Variants in ABCG1 observed in about 807,000 individuals in gnomAD.
The protein encoded by ABCG1 is ATP binding cassette subfamily G member 1.
In ABCG1, 29 loss-of-function variants were observed where a neutral mutation model predicts 69.2. The ratio of observed to expected loss-of-function variants is 0.42; its 90% CI spans 0.31 to 0.57. The LOEUF (loss-of-function observed/expected upper bound fraction) is 0.57. ABCG1 is among the 20% of genes least tolerant of loss of function. The pLI is 0.15. For missense variants in ABCG1, 718 were observed against 898.1 expected (o/e 0.80, Z 2.56); for synonymous variants, 370 against 374.8 (o/e 0.99, Z 0.15).
rs2068705116 is a variant in ABCG1 at position 42,276,086 on chromosome 21, C to T, written c.538-809C>T. The stretch of plus-strand genomic sequence containing the variant: ...GCTAATGAGGTGGACAGAGCTTAAC[C>T]TCACCATTGTGCCAGTGAGGAAATG... On this transcript the variant is annotated intron_variant, in intron 4 of 14. Coordinates refer to ENST00000398449, the MANE Select transcript of ABCG1 (RefSeq NM_016818.3). The surrounding 1 kb of genome is among the most constrained non-coding windows in gnomAD (Gnocchi z 5.3). Among the ~76,000 whole-genome samples the T allele has an allele frequency of 6.6e-6, 1 of 151,506 alleles. No individual in the cohort carries two copies. The highest frequency in any genetic ancestry group is 2.1e-4 in the South Asian group (1 of 4,820).
intron 2 of ABCG1, among the ~76,000 whole-genome samples, chr21:42,230,802 C>T (rs1173389767): frequency 2.6e-5 from 4 of 152,226 alleles, no homozygotes; most frequent in African/African-American, 9.6e-5. Context: ...GTTCTTCAAT[C>T]CATTTGGCTC....
intron 1 of ABCG1, among the ~76,000 whole-genome samples, chr21:42,201,140 T>C (rs2067503335): frequency 6.6e-6 from 1 of 151,994 alleles, no homozygotes; most frequent in Non-Finnish European, 1.5e-5. Context: ...ACTGATAGGG[T>C]TTTGATACGT....
rs780150043 is a variant in ABCG1 at position 42,219,218 on chromosome 21, C to A, written c.-45C>A. 3.4e-6 allele frequency: 5 copies of A among 1,481,548 alleles called. No individual in the cohort carries two copies. The highest frequency in any genetic ancestry group is 1.5e-5 in the African/African-American group (1 of 67,468). 91.8% of individuals were successfully genotyped at this position (1,481,548 alleles called of 1,614,324 possible). ...AGCCTCGGCCCCGCAGCTCAAGCCT[C>A]GTCCCCGCCGCCGCCGCCGCCGCCG... On this transcript the variant is annotated 5_prime_UTR_variant, in exon 1 of 15. Coordinates refer to ENST00000398449, the MANE Select transcript of ABCG1 (RefSeq NM_016818.3). This position sits in a 1 kb window ranked among gnomAD's most constrained non-coding sequence, Gnocchi z 5.3.
At chr21:42,202,593 A>C (rs74512602) in intron 2 of ABCG1, among the ~76,000 whole-genome samples, 2,692 of 147,666 alleles carry the variant, frequency 0.018, 85 homozygotes, top group African/African-American at 0.063. Context: ...CTTACTCAAC[A>C]GTCACAACAG....
At chr21:42,228,255 C>T (rs1440283099) in intron 2 of ABCG1, among the ~76,000 whole-genome samples, 8 of 152,126 alleles carry the variant, frequency 5.3e-5, no homozygotes, top group Admixed American at 3.9e-4. Context: ...AATGGGCCGC[C>T]GAGGGACCTG....
chr21:42,270,259 CA>C (rs4006345), intron 2 of ABCG1, among the ~76,000 whole-genome samples: 30,627 of 85,992 alleles, frequency 0.36, 2,658 homozygotes, highest in Middle Eastern at 0.49. Context: ...GACTCAGTCT[CA>C]AAAAAAAAAA....
intron 2 of ABCG1, among the ~76,000 whole-genome samples, chr21:42,239,031 T>A (rs1465312084): frequency 1.3e-5 from 2 of 152,262 alleles, no homozygotes; most frequent in African/African-American, 4.8e-5. Flanking sequence ...GAACTATATG[T>A]GGAGCTTAGT....
At chr21:42,263,988 C>T (rs1402738207) in intron 2 of ABCG1, among the ~76,000 whole-genome samples, 3 of 152,184 alleles carry the variant, frequency 2.0e-5, no homozygotes, top group African/African-American at 4.8e-5. Context: ...ATTCCAGGTT[C>T]GCGGGGCATG....
In ABCG1 at chr21:42,282,428, G is replaced by T. The variant is rs1370891814; in HGVS notation, c.734+9G>T. The T allele has an allele frequency of 1.2e-6, 2 of 1,608,588 alleles. No homozygotes were observed. Among genetic ancestry groups the T allele is most frequent in the East Asian group, 4.5e-5 (2 of 44,704 alleles). On this transcript the variant is annotated intron_variant, in intron 6 of 14. Transcript: ENST00000398449. ...TTCGATGAGCCCACCAGGTAAGTCA[G>T]GAGCATCTGAGCTGGTGTCCAGGGG... is the stretch of plus-strand genomic sequence containing the variant.
At chr21:42,283,260 GT>G (rs2123776357) in intron 6 of ABCG1, among the ~76,000 whole-genome samples, 1 of 152,310 alleles carries the variant, frequency 6.6e-6, no homozygotes, top group South Asian at 2.1e-4. Flanking sequence ...GGCCTGCACA[GT>G]AACAGCCCAC....
chr21:42,208,136 C>T (rs1217795998), intron 2 of ABCG1, among the ~76,000 whole-genome samples: 2 of 152,060 alleles, frequency 1.3e-5, no homozygotes, highest in African/African-American at 2.4e-5. Flanking sequence ...TTGGTTGAAG[C>T]AGAGAAGTTA....
rs1569241562 is a variant in ABCG1, at chr21:42,291,222, CG to C, written c.1494+35del. 1 of 1,553,984 alleles carries C rather than the reference CG, an allele frequency of 6.4e-7. No individual in the cohort carries two copies. Among genetic ancestry groups the C allele is most frequent in the Non-Finnish European group, 8.8e-7 (1 of 1,130,518 alleles). On this transcript the variant is annotated intron_variant, in intron 12 of 14. Transcript: ENST00000398449. This position sits in a 1 kb window ranked among gnomAD's most constrained non-coding sequence, Gnocchi z 6.4. ...GTTAGCCAGGGGCTGGAATTTGAAACGGGGGCAAGAGTTCTCCTGTACACCC... is the reference window on the plus strand; with the variant it reads ...GTTAGCCAGGGGCTGGAATTTGAAACGGGGCAAGAGTTCTCCTGTACACCC...
intron 2 of ABCG1, chr21:42,256,660 C>T: frequency 6.8e-7 from 1 of 1,461,806 alleles, no homozygotes; most frequent in Non-Finnish European, 9.1e-7. Context: ...ACCAGGCAGC[C>T]CTTTCTGCTC....
chr21:42,201,389 G>A (rs2067504930), intron 1 of ABCG1, among the ~76,000 whole-genome samples: 3 of 152,156 alleles, frequency 2.0e-5, no homozygotes, highest in Admixed American at 1.3e-4. Flanking sequence ...GATCTGACAG[G>A]AGGGAGAGCT....
intron 5 of ABCG1, among the ~76,000 whole-genome samples, chr21:42,279,212 A>C (rs1259418458): frequency 6.6e-6 from 1 of 152,024 alleles, no homozygotes. Context: ...AGACGGTGGA[A>C]GTGGTCACTG....
In ABCG1 at chr21:42,273,559, C is replaced by A; in HGVS notation, c.537+124C>A. The A allele has an allele frequency of 8.7e-7, 1 of 1,148,896 alleles. No individual in the cohort carries two copies. 71.2% of individuals were successfully genotyped at this position (1,148,896 alleles called of 1,614,324 possible). On this transcript the variant is annotated intron_variant, in intron 4 of 14. Transcript: ENST00000398449. The surrounding 1 kb of genome is among the most constrained non-coding windows in gnomAD (Gnocchi z 5.3). ...CAAGGGCTCTGCCACGCGGCCTGCA[C>A]AGGGCCAGCAACCTCCCTCTAGCGG... is the stretch of plus-strand genomic sequence containing the variant.
chr21:42,208,216 G>T (rs1156968498), intron 2 of ABCG1, among the ~76,000 whole-genome samples: 3 of 143,744 alleles, frequency 2.1e-5, no homozygotes, highest in African/African-American at 2.6e-5. Flanking sequence ...GCAGGCTTTT[G>T]TTGGGACTTT....
In ABCG1 at chr21:42,223,324, C is replaced by T. The variant is rs147093578; in HGVS notation, c.43-2347C>T. 2.2e-4 allele frequency among the ~76,000 whole-genome samples: 33 copies of T among 152,302 alleles called. No individual in the cohort carries two copies. In the South Asian group the frequency reaches 2.7e-3, roughly 12 times the overall value. On this transcript the variant is annotated intron_variant, in intron 1 of 14. Transcript: ENST00000398449. The stretch of plus-strand genomic sequence containing the variant: ...AGATTCTATTTCTGCAGAAAGATTT[C>T]GTCCTGCGTCTCCCCATCTCAGGGT...
rs1427350526 is a variant in ABCG1 at position 42,282,485 on chromosome 21, C to T, written c.734+66C>T. 25 of 1,530,220 alleles carry T rather than the reference C, an allele frequency of 1.6e-5. No individual in the cohort carries two copies. In the South Asian group the frequency reaches 2.2e-4, roughly 14 times the overall value. 94.8% of individuals were successfully genotyped at this position (1,530,220 alleles called of 1,614,324 possible). On this transcript the variant is annotated intron_variant, in intron 6 of 14. Coordinates refer to ENST00000398449, the MANE Select transcript of ABCG1 (RefSeq NM_016818.3). ...GAACCCCCTGTATTCAGCGGTTCTTCCAGGTGACCCTGACATCCTGATGTA... is the reference window on the plus strand; with the variant it reads ...GAACCCCCTGTATTCAGCGGTTCTTTCAGGTGACCCTGACATCCTGATGTA...
Sources: gnomAD v4.1 joint callset for allele counts (sites outside exome capture counted in the v4.1 genomes callset) on GRCh38, gnomAD v4.1.1 for gene constraint, Gnocchi (gnomAD v3.1) non-coding constraint, MANE v1.5 for transcripts, NCBI Gene and HGNC (gene_info 2026-07-23, HGNC 2026-07-21) for gene names.